ATP9B: variants seen among roughly 807,000 people sequenced by gnomAD.
ATP9B encodes the protein probable phospholipid-transporting ATPase IIB.
A neutral mutation model predicts 146.1 loss-of-function variants in ATP9B; 110 were observed. The observed-to-expected ratio is 0.75, with a 90% CI of 0.65 to 0.88. The LOEUF (loss-of-function observed/expected upper bound fraction) is 0.88, where lower values mean the gene tolerates loss of function less well. Among genes scored for constraint, ATP9B ranks in the 40% least tolerant of loss-of-function variants. ATP9B has a pLI of 0.00. For missense variants in ATP9B, 1,499 were observed against 1,496.4 expected (o/e 1.00, Z -0.03); for synonymous variants, 604 against 569.7 (o/e 1.06, Z -0.86).
intron 21 of ATP9B, among the ~76,000 whole-genome samples, chr18:79,345,018 G>A (rs573712516): frequency 6.6e-6 from 1 of 152,294 alleles, no homozygotes; most frequent in Non-Finnish European, 1.5e-5. Context: ...TGTTGCTAGT[G>A]TCCTCAGAGC....
At chr18:79,310,517 C>G (rs1015634077) in intron 15 of ATP9B, among the ~76,000 whole-genome samples, 5 of 152,202 alleles carry the variant, frequency 3.3e-5, no homozygotes, top group Non-Finnish European at 7.3e-5. Context: ...GCAGGAGTCT[C>G]TTGTCTAGGC....
chr18:79,253,188 T>C (rs2145083209), intron 11 of ATP9B, among the ~76,000 whole-genome samples, 193 bp from the exon 12 acceptor site: 1 of 152,376 alleles, frequency 6.6e-6, no homozygotes, highest in Non-Finnish European at 1.5e-5. Context: ...CAGTAGACCC[T>C]TTCTGGAAAT....
At chr18:79,125,599 A>T (rs537201141) in intron 4 of ATP9B, among the ~76,000 whole-genome samples, 207 of 152,328 alleles carry the variant, frequency 1.4e-3, no homozygotes, top group Non-Finnish European at 2.6e-3. Flanking sequence ...ATATTCCTGT[A>T]ACATGTCAGA....
chr18:79,164,436 C>T (rs948660835), intron 7 of ATP9B, among the ~76,000 whole-genome samples: 1 of 152,220 alleles, frequency 6.6e-6, no homozygotes, highest in East Asian at 1.9e-4. Context: ...AAATTGGTGA[C>T]TGGGCATGGT....
chr18:79,330,202 T>C (rs375988242), intron 17 of ATP9B, 98 bp downstream of exon 17: 269 of 1,094,790 alleles, frequency 2.5e-4, no homozygotes, highest in Admixed American at 4.4e-4. Flanking sequence ...ATGAACTTTA[T>C]TGATAGATGA....
intron 19 of ATP9B, among the ~76,000 whole-genome samples, chr18:79,338,297 G>A (rs572302869): frequency 1.3e-5 from 2 of 152,342 alleles, no homozygotes; most frequent in South Asian, 4.2e-4. Flanking sequence ...GACGTACAGG[G>A]CAGGTGCAAA....
intron 3 of ATP9B, among the ~76,000 whole-genome samples, chr18:79,110,761 C>A (rs1332812131): frequency 6.6e-6 from 1 of 152,128 alleles, no homozygotes; most frequent in African/African-American, 2.4e-5. Flanking sequence ...TGATAAACAT[C>A]ATATTTATAT....
At chr18:79,118,390 GTTTTTTTTTTTTTT>G (rs752788043) in intron 4 of ATP9B, among the ~76,000 whole-genome samples, 9 of 93,278 alleles carry the variant, frequency 9.6e-5, no homozygotes, top group Non-Finnish European at 1.3e-4. Context: ...GAACGTTTTT[GTTTTTTTTTTTTTT>G]TTTTTTTTTT....
intron 17 of ATP9B, among the ~76,000 whole-genome samples, chr18:79,331,555 T>C (rs144800859): frequency 1.3e-5 from 2 of 152,344 alleles, no homozygotes. Context: ...TGTTGTCCCT[T>C]CACCAATGTC....
At chr18:79,368,873 G>A (rs1328257543) in intron 26 of ATP9B, among the ~76,000 whole-genome samples, 1 of 151,612 alleles carries the variant, frequency 6.6e-6, no homozygotes, top group African/African-American at 2.4e-5. Context: ...GGCACTGAAC[G>A]GCAGGAAGCC....
Position 79,377,897 on chromosome 18 carries a change from AC to A in ATP9B, c.*518del, listed in dbSNP as rs2097110388. On this transcript the variant is annotated 3_prime_UTR_variant, in exon 30 of 30. Coordinates refer to ENST00000426216, the MANE Select transcript of ATP9B (RefSeq NM_198531.5). The stretch of plus-strand genomic sequence containing the variant: ...CTCTTCCTCTTAAGTGTGGGGCCTC[AC>A]CCCTGCTTTTCTTTCTTTTTTTGTA... 1 of 154,432 alleles carries A rather than the reference AC, an allele frequency of 6.5e-6. No individual in the cohort carries two copies. Among genetic ancestry groups the A allele is most frequent in the South Asian group, 2.0e-4 (1 of 4,936 alleles). 9.6% of individuals were successfully genotyped at this position (154,432 alleles called of 1,614,324 possible). A position where few individuals can be genotyped will look rare whatever the true frequency, so the allele number is the denominator to read the frequency against.
intron 15 of ATP9B, among the ~76,000 whole-genome samples, chr18:79,328,401 TAA>T (rs1486117081): frequency 6.6e-6 from 1 of 152,246 alleles, no homozygotes; most frequent in Non-Finnish European, 1.5e-5. Context: ...TAAATTTTAA[TAA>T]GTCAATAAAT....
At chr18:79,209,386 T>C (rs2095563250) in intron 10 of ATP9B, among the ~76,000 whole-genome samples, 1 of 152,230 alleles carries the variant, frequency 6.6e-6, no homozygotes, top group Non-Finnish European at 1.5e-5. Context: ...AATTTCATCT[T>C]TTTTTCCTGG....
At chr18:79,363,635 G>C (rs1025659735) in intron 26 of ATP9B, 1 of 152,304 alleles carries the variant, frequency 6.6e-6, no homozygotes, top group Non-Finnish European at 1.5e-5. Context: ...CCTGGATTGA[G>C]AGACATAAAC....
intron 15 of ATP9B, among the ~76,000 whole-genome samples, chr18:79,320,442 G>A (rs62096764): frequency 1.3e-5 from 2 of 152,192 alleles, no homozygotes; most frequent in Admixed American, 6.5e-5. Context: ...GCCTGGCTGC[G>A]CGGCCGGCAC....
At chr18:79,242,332 AC>A (rs1052683356) in intron 11 of ATP9B, among the ~76,000 whole-genome samples, 1 of 152,212 alleles carries the variant, frequency 6.6e-6, no homozygotes, top group African/African-American at 2.4e-5. Flanking sequence ...AATTTAGAGA[AC>A]AAGAAGAATA....
At chr18:79,356,014 G>T (rs1448585994) in intron 25 of ATP9B, among the ~76,000 whole-genome samples, 1 of 152,200 alleles carries the variant, frequency 6.6e-6, no homozygotes, top group Non-Finnish European at 1.5e-5. Flanking sequence ...CAAGACTCGT[G>T]TCCAGCAGTG....
At chr18:79,208,978 C>T (rs941609204) in intron 10 of ATP9B, among the ~76,000 whole-genome samples, 4 of 152,188 alleles carry the variant, frequency 2.6e-5, no homozygotes, top group African/African-American at 9.7e-5. Context: ...GGGAAACCTG[C>T]CCTCCAGCCT....
In ATP9B at chr18:79,377,536, GAGACAGCC is replaced by G; in HGVS notation, c.*154_*161del. 9.9e-7 allele frequency: 1 copy of G among 1,007,240 alleles called. No homozygotes were observed. Among genetic ancestry groups the G allele is most frequent in the Non-Finnish European group, 1.4e-6 (1 of 698,892 alleles). The allele number at this position is 1,007,240 out of a possible 1,614,324, so 62.4% of individuals were successfully genotyped here. On this transcript the variant is annotated 3_prime_UTR_variant, in exon 30 of 30. Transcript: ENST00000426216. The stretch of plus-strand genomic sequence containing the variant: ...CAGGCGAGCCCAGGGCACAGATGCT[GAGACAGCC>G]TCTCCTTCTCAGTGCAGGGACGTCA...
Sources: gnomAD v4.1 joint callset for allele counts (sites outside exome capture counted in the v4.1 genomes callset) on GRCh38, gnomAD v4.1.1 for gene constraint, MANE v1.5 for transcripts, NCBI Gene and HGNC (gene_info 2026-07-23, HGNC 2026-07-21) for gene names.